Variants in DENND1A observed in about 807,000 individuals in gnomAD.
DENND1A encodes the protein DENN domain-containing protein 1A.
Under a neutral mutation model 113.7 loss-of-function variants are expected in DENND1A, and 51 were observed. The ratio of observed to expected loss-of-function variants is 0.45; its 90% CI spans 0.36 to 0.57. The LOEUF (loss-of-function observed/expected upper bound fraction) is 0.57, where lower values mean the gene tolerates loss of function less well. Ranked by LOEUF, DENND1A falls within the 20% of genes least tolerant of loss-of-function variation. The pLI is 0.00. For synonymous variants in DENND1A, 565 were observed against 570.8 expected (o/e 0.99, Z 0.14); for missense variants, 1,258 against 1,395.9 (o/e 0.90, Z 1.57).
intron 2 of DENND1A, among the ~76,000 whole-genome samples, chr9:123,867,730 G>A (rs1417450408): frequency 6.6e-6 from 1 of 151,798 alleles, no homozygotes; most frequent in Non-Finnish European, 1.5e-5. Context: ...TTCTCCCCCT[G>A]CTCCCCCAAC....
chr9:123,754,303 C>T (rs755216074), intron 5 of DENND1A, among the ~76,000 whole-genome samples: 1 of 152,230 alleles, frequency 6.6e-6, no homozygotes, highest in Non-Finnish European at 1.5e-5. Flanking sequence ...AGTCATCCAG[C>T]TTTAACAGTA....
chr9:123,467,274 T>C (rs1046131344), intron 13 of DENND1A, among the ~76,000 whole-genome samples: 3 of 152,108 alleles, frequency 2.0e-5, no homozygotes, highest in Non-Finnish European at 4.4e-5. Flanking sequence ...GAAAATTGTA[T>C]GGGGTTGGGA....
At chr9:123,597,333 T>G (rs1329638946) in intron 11 of DENND1A, among the ~76,000 whole-genome samples, 2 of 152,188 alleles carry the variant, frequency 1.3e-5, no homozygotes, top group Admixed American at 1.3e-4. Flanking sequence ...ACACTTTAAA[T>G]TTCAGAAATG....
At chr9:123,530,740 A>G (rs947115834) in intron 13 of DENND1A, among the ~76,000 whole-genome samples, 1 of 152,220 alleles carries the variant, frequency 6.6e-6, no homozygotes, top group African/African-American at 2.4e-5. Flanking sequence ...CCCTCAGTGT[A>G]TACCTGAAAC....
In DENND1A at chr9:123,825,799, G is replaced by GA. The variant is rs1258509218; in HGVS notation, c.89-33170dup. ...CGATTTTTCACCCCTCTTTCCTGGAGAAAATTATACATCCTTGCCTGTTGG... is the reference window on the plus strand; with the variant it reads ...CGATTTTTCACCCCTCTTTCCTGGAGAAAAATTATACATCCTTGCCTGTTGG... On this transcript the variant is annotated intron_variant, in intron 2 of 23. Transcript: ENST00000394215. Among the ~76,000 whole-genome samples the GA allele has an allele frequency of 2.6e-5, 4 of 152,338 alleles. 1 individual carries two copies. The highest frequency in any genetic ancestry group is 9.6e-5 in the African/African-American group (4 of 41,576).
intron 13 of DENND1A, among the ~76,000 whole-genome samples, chr9:123,476,084 C>T (rs1040961181): frequency 6.6e-6 from 1 of 151,894 alleles, no homozygotes; most frequent in African/African-American, 2.4e-5. Context: ...ACTTTGGAGG[C>T]TGAGGCAGAA....
intron 5 of DENND1A, among the ~76,000 whole-genome samples, chr9:123,740,353 C>G (rs1266518004): frequency 6.6e-6 from 1 of 152,166 alleles, no homozygotes; most frequent in African/African-American, 2.4e-5. Context: ...CTAATCTACT[C>G]TCAGTATAGA....
At chr9:123,586,974 C>G (rs970018971) in intron 11 of DENND1A, among the ~76,000 whole-genome samples, 1 of 151,858 alleles carries the variant, frequency 6.6e-6, no homozygotes, top group African/African-American at 2.4e-5. Flanking sequence ...GCCAGCAGCC[C>G]GCAATGCAAC....
intron 1 of DENND1A, 60 bp downstream of exon 1, chr9:123,929,829 C>A: frequency 4.6e-6 from 1 of 217,822 alleles, no homozygotes; most frequent in Non-Finnish European, 8.6e-6. Context: ...GGCCTGCAGC[C>A]CTGGCCCGGC....
At chr9:123,746,106 T>C (rs1589910671) in intron 5 of DENND1A, among the ~76,000 whole-genome samples, 1 of 152,206 alleles carries the variant, frequency 6.6e-6, no homozygotes, top group Non-Finnish European at 1.5e-5. Flanking sequence ...ATATTTATGT[T>C]TACTTATGTG....
At chr9:123,782,509 C>G (rs910820026) in intron 3 of DENND1A, among the ~76,000 whole-genome samples, 1 of 152,176 alleles carries the variant, frequency 6.6e-6, no homozygotes. Flanking sequence ...CTCCTAACAG[C>G]CATGCACAGT....
At chr9:123,651,461 G>A (rs1007717010) in intron 9 of DENND1A, among the ~76,000 whole-genome samples, 1 of 152,236 alleles carries the variant, frequency 6.6e-6, no homozygotes, top group African/African-American at 2.4e-5. Context: ...TGAAAATGGT[G>A]CACTCATCTA....
At chr9:123,563,951 C>A (rs1474756449) in intron 12 of DENND1A, among the ~76,000 whole-genome samples, 1 of 152,164 alleles carries the variant, frequency 6.6e-6, no homozygotes, top group African/African-American at 2.4e-5. Flanking sequence ...ATAGCTCTTT[C>A]TCAGGGCATG....
chr9:123,827,956 G>C (rs770162371), intron 2 of DENND1A, among the ~76,000 whole-genome samples: 16 of 152,142 alleles, frequency 1.1e-4, no homozygotes, highest in Non-Finnish European at 2.2e-4. Flanking sequence ...AAATATACCT[G>C]GTTTTGAATA....
intron 12 of DENND1A, among the ~76,000 whole-genome samples, chr9:123,575,897 T>C (rs2058609523): frequency 6.6e-6 from 1 of 152,248 alleles, no homozygotes; most frequent in African/African-American, 2.4e-5. Flanking sequence ...ATTATACAAT[T>C]GGGTCTTGCT....
chr9:123,680,523 G>C (rs2064377807), intron 5 of DENND1A, among the ~76,000 whole-genome samples: 1 of 152,216 alleles, frequency 6.6e-6, no homozygotes, highest in Non-Finnish European at 1.5e-5. Flanking sequence ...ACACAAAGTA[G>C]TTAACCTGAG....
chr9:123,442,168 A>G (rs1186292121), intron 18 of DENND1A, among the ~76,000 whole-genome samples: 1 of 152,236 alleles, frequency 6.6e-6, no homozygotes, highest in South Asian at 2.1e-4. Flanking sequence ...GCTGCCTACC[A>G]GCTGGCCTCC....
chr9:123,571,340 A>G (rs1312485151), intron 12 of DENND1A, among the ~76,000 whole-genome samples: 1 of 152,250 alleles, frequency 6.6e-6, no homozygotes, highest in East Asian at 1.9e-4. Flanking sequence ...CATACACTTA[A>G]AAAGCACAGT....
chr9:123,535,299 A>C (rs10986040), intron 13 of DENND1A, among the ~76,000 whole-genome samples: 17,317 of 152,170 alleles, frequency 0.11, 1,451 homozygotes, highest in African/African-American at 0.23. Context: ...AGACTCTCAC[A>C]GCTGGGCATG....
Sources: gnomAD v4.1 joint callset for allele counts (sites outside exome capture counted in the v4.1 genomes callset) on GRCh38, gnomAD v4.1.1 for gene constraint, MANE v1.5 for transcripts, NCBI Gene and HGNC (gene_info 2026-07-23, HGNC 2026-07-21) for gene names.